EDARADD: variants seen among roughly 807,000 people sequenced by gnomAD.
EDARADD encodes EDAR associated via death domain, also known as ectodysplasin-A receptor-associated adapter protein.
A neutral mutation model predicts 25.6 loss-of-function variants in EDARADD; 20 were observed. The ratio of observed to expected loss-of-function variants is 0.78; its 90% CI spans 0.55 to 1.14. EDARADD has a LOEUF of 1.14. Ranked by LOEUF, EDARADD falls within the 50% of genes most tolerant of loss-of-function variation. The pLI is 0.00. For synonymous variants in EDARADD, 86 were observed against 94.4 expected (o/e 0.91, Z 0.52); for missense variants, 225 against 270.1 (o/e 0.83, Z 1.17).
Position 236,482,321 on chromosome 1 carries a change from T to C in EDARADD, c.320T>C (p.Leu107Pro), listed in dbSNP as rs1405389230. The C allele has an allele frequency of 6.2e-7, 1 of 1,614,140 alleles. No individual in the cohort carries two copies. The highest frequency in any genetic ancestry group is 1.1e-5 in the South Asian group (1 of 91,088). Residue 107 changes from leucine (L) to proline (P), a missense_variant, in exon 6 of 6, where the codon CTC (leucine) becomes CCC (proline). Physicochemically the swap from Leu to Pro is moderately conservative, Grantham distance 98. Coordinates refer to ENST00000334232, the MANE Select transcript of EDARADD (RefSeq NM_145861.4). The stretch of plus-strand genomic sequence containing the variant: ...AACTGTACTTGTTCCTCCTGCTTGC[T>C]CCGGGCCCCCACCATAAGTGACTTG... ...KENCTCSSCL[L>P]RAPTISDLLN...
At chr1:236,425,072 C>T (rs1239196598) in intron 3 of EDARADD, among the ~76,000 whole-genome samples, 2 of 152,158 alleles carry the variant, frequency 1.3e-5, no homozygotes, top group Non-Finnish European at 2.9e-5. Flanking sequence ...CCAGGGAATA[C>T]CAGTCGGTCT....
intron 4 of EDARADD, among the ~76,000 whole-genome samples, chr1:236,437,050 G>A (rs1350969841): frequency 1.3e-5 from 2 of 152,160 alleles, no homozygotes; most frequent in African/African-American, 2.4e-5. Flanking sequence ...TGAATACCTA[G>A]AGCTTACAGT....
intron 4 of EDARADD, among the ~76,000 whole-genome samples, chr1:236,454,229 T>A (rs538499657): frequency 1.3e-5 from 2 of 152,242 alleles, no homozygotes; most frequent in South Asian, 4.1e-4. Flanking sequence ...GTAGTTTTTT[T>A]AGTAGAGACA....
At chr1:236,443,979 C>T (rs1658468619) in intron 4 of EDARADD, among the ~76,000 whole-genome samples, 2 of 152,066 alleles carry the variant, frequency 1.3e-5, no homozygotes, top group African/African-American at 4.8e-5. Context: ...TTGCCATTTC[C>T]ACCCTAATCT....
intron 5 of EDARADD, 61 bp downstream of exon 5, chr1:236,468,337 T>G (rs965928974): frequency 6.6e-5 from 104 of 1,574,366 alleles, no homozygotes; most frequent in Non-Finnish European, 8.1e-5. Flanking sequence ...TAAAAGATAA[T>G]TTGAGGCCAG....
intron 4 of EDARADD, among the ~76,000 whole-genome samples, chr1:236,451,217 C>T (rs1658703004): frequency 6.6e-6 from 1 of 152,156 alleles, no homozygotes; most frequent in Non-Finnish European, 1.5e-5. Flanking sequence ...TGGACCTTCT[C>T]AGTCCCTAGC....
intron 2 of EDARADD, among the ~76,000 whole-genome samples, chr1:236,413,604 A>T (rs1305586623): frequency 6.6e-6 from 1 of 152,226 alleles, no homozygotes; most frequent in Non-Finnish European, 1.5e-5. Context: ...TACATTGTTT[A>T]GTCTGAAATA....
At chr1:236,365,250 A>G (rs1667099631) in intron 3 of EDARADD, among the ~76,000 whole-genome samples, 1 of 151,538 alleles carries the variant, frequency 6.6e-6, no homozygotes. Context: ...TGCAGCCTCA[A>G]CCTCCCAGGC....
At chr1:236,360,502 C>T (rs1163537089) in intron 3 of EDARADD, among the ~76,000 whole-genome samples, 2 of 150,996 alleles carry the variant, frequency 1.3e-5, no homozygotes, top group African/African-American at 4.9e-5. Flanking sequence ...TAGAAGCAAC[C>T]TCAAATATTC....
intron 4 of EDARADD, among the ~76,000 whole-genome samples, chr1:236,433,001 A>T (rs1414501358): frequency 6.6e-6 from 1 of 152,130 alleles, no homozygotes; most frequent in Non-Finnish European, 1.5e-5. Context: ...ACTTGCGACA[A>T]ATGTATCCCA....
intron 3 of EDARADD, among the ~76,000 whole-genome samples, chr1:236,363,006 A>AAATATATAT (rs1377112051): frequency 5.6e-4 from 24 of 42,944 alleles, no homozygotes; most frequent in African/African-American, 2.2e-3. Flanking sequence ...AAAAAAAAAA[A>AAATATATAT]ATATATATAT....
In EDARADD at chr1:236,359,526, C is replaced by T. The variant is rs76701295; in HGVS notation, c.-6+8687C>T. Reference sequence around the variant, plus strand: ...CTTGAACTTCCCAGCTGTATTAGTCCATTTTTACACTACTGATAAAGGTAT... The same window carrying T: ...CTTGAACTTCCCAGCTGTATTAGTCTATTTTTACACTACTGATAAAGGTAT... On this transcript the variant is annotated intron_variant, in intron 3 of 7. Transcript: ENST00000439430. 6.2e-3 allele frequency among the ~76,000 whole-genome samples: 951 copies of T among 152,248 alleles called. 10 individuals carry two copies. The highest frequency in any genetic ancestry group is 0.021 in the African/African-American group (892 of 41,538).
At chr1:236,397,301 T>G (rs984130073) in intron 1 of EDARADD, among the ~76,000 whole-genome samples, 1 of 151,966 alleles carries the variant, frequency 6.6e-6, no homozygotes, top group African/African-American at 2.4e-5. Flanking sequence ...TCCCAGCTAC[T>G]CGGGGGGCTG....
In EDARADD at chr1:236,398,760, C is replaced by G. The variant is rs1667564878; in HGVS notation, c.61+4255C>G. On this transcript the variant is annotated intron_variant, in intron 1 of 5. Transcript: ENST00000334232. This position sits in a 1 kb window ranked among gnomAD's most constrained non-coding sequence, Gnocchi z 4.1. ...TTTCAGCTCATAGGTCACCGGGATC[C>G]AGCCCGATGTTATACATGCTCAGCA... 6.6e-6 allele frequency among the ~76,000 whole-genome samples: 1 copy of G among 152,214 alleles called. No homozygotes were observed. Among genetic ancestry groups the G allele is most frequent in the Non-Finnish European group, 1.5e-5 (1 of 68,036 alleles).
intron 5 of EDARADD, among the ~76,000 whole-genome samples, chr1:236,470,350 C>T (rs1363400880): frequency 1.3e-5 from 2 of 152,116 alleles, no homozygotes; most frequent in East Asian, 3.8e-4. Context: ...CTATGACAAG[C>T]ACATATTTAT....
Position 236,484,611 on chromosome 1 carries a change from C to T in EDARADD, c.*1962C>T, listed in dbSNP as rs111987152. The T allele has an allele frequency of 5.4e-3, 3,217 of 593,878 alleles. 83 individuals carry two copies. The highest frequency in any genetic ancestry group is 0.054 in the African/African-American group (2,902 of 53,584). The allele number at this position is 593,878 out of a possible 1,614,324, so 36.8% of individuals were successfully genotyped here. ...TACCCTTGCCCACCGCCGTGGAGTT[C>T]GCACCTCTTCCTTAGAACTTCTACA... On this transcript the variant is annotated 3_prime_UTR_variant, in exon 6 of 6. Coordinates refer to ENST00000334232, the MANE Select transcript of EDARADD (RefSeq NM_145861.4). The surrounding 1 kb of genome is among the most constrained non-coding windows in gnomAD (Gnocchi z 4.1).
rs566363664 is a variant in EDARADD at position 236,397,556 on chromosome 1, A to T, written c.61+3051A>T. 2.6e-5 allele frequency among the ~76,000 whole-genome samples: 4 copies of T among 152,264 alleles called. No homozygotes were observed. The South Asian group carries it at 8.3e-4, about 32-fold the overall frequency. ...TTCAAAATCCCAGGACATGTGGAGG[A>T]GTGAGAGGACAGAGGATATGATGAT... On this transcript the variant is annotated intron_variant, in intron 1 of 5. Transcript: ENST00000334232.
intron 5 of EDARADD, among the ~76,000 whole-genome samples, chr1:236,470,659 G>T (rs1659335384): frequency 6.6e-6 from 1 of 152,124 alleles, no homozygotes; most frequent in Non-Finnish European, 1.5e-5. Context: ...AGGCTGGAGT[G>T]CAATGGCGAG....
intron 3 of EDARADD, among the ~76,000 whole-genome samples, chr1:236,383,628 G>A: frequency 6.6e-6 from 1 of 152,230 alleles, no homozygotes; most frequent in East Asian, 1.9e-4. Context: ...CATTTACAAA[G>A]GAATTACATG....
Sources: gnomAD v4.1 joint callset for allele counts (sites outside exome capture counted in the v4.1 genomes callset) on GRCh38, gnomAD v4.1.1 for gene constraint, Gnocchi (gnomAD v3.1) non-coding constraint, MANE v1.5 for transcripts, NCBI Gene and HGNC (gene_info 2026-07-23, HGNC 2026-07-21) for gene names.